Variants in ADAM22 observed in about 807,000 individuals in gnomAD.
The protein encoded by ADAM22 is disintegrin and metalloproteinase domain-containing protein 22.
In ADAM22, 65 loss-of-function variants were observed where a neutral mutation model predicts 144.6. That is an observed-to-expected ratio of 0.45 (90% CI 0.37 to 0.55). The LOEUF (loss-of-function observed/expected upper bound fraction) is 0.55. ADAM22 is among the 20% of genes least tolerant of loss of function. The pLI is 0.00. For missense variants in ADAM22, 974 were observed against 1,184.9 expected (o/e 0.82, Z 2.61); for synonymous variants, 391 against 412.6 (o/e 0.95, Z 0.63).
chr7:87,982,629 C>G (rs1280862090), intron 3 of ADAM22, among the ~76,000 whole-genome samples: 1 of 137,712 alleles, frequency 7.3e-6, no homozygotes, highest in Non-Finnish European at 1.5e-5. Context: ...ACTACTTCCC[C>G]TACTGGCTTA....
intron 3 of ADAM22, among the ~76,000 whole-genome samples, chr7:87,994,956 T>C (rs1324995957): frequency 2.0e-5 from 3 of 152,028 alleles, no homozygotes; most frequent in Non-Finnish European, 4.4e-5. Flanking sequence ...GCCTCCTAAG[T>C]AGCTGGGAAT....
chr7:88,026,122 A>C (rs193141530), intron 3 of ADAM22, among the ~76,000 whole-genome samples: 1 of 152,234 alleles, frequency 6.6e-6, no homozygotes, highest in East Asian at 1.9e-4. Context: ...TACTTTCTTG[A>C]TTCCTTTTTC....
chr7:88,063,094 G>A (rs1260587610), intron 3 of ADAM22, among the ~76,000 whole-genome samples: 1 of 152,156 alleles, frequency 6.6e-6, no homozygotes, highest in African/African-American at 2.4e-5. Flanking sequence ...GTTGGAAAAT[G>A]GCGCTGATAG....
At chr7:88,129,762 C>G (rs1329837698) in intron 9 of ADAM22, among the ~76,000 whole-genome samples, 2 of 152,012 alleles carry the variant, frequency 1.3e-5, no homozygotes, top group African/African-American at 4.8e-5. Flanking sequence ...CTAAGGGGAG[C>G]AACTGCCTCT....
chr7:87,978,413 G>A lies in ADAM22; in HGVS notation c.323+1G>A. ...TCATTCTCGATGTCGTGCTAAATCA[G>A]TAAGTGTTGAGTTGCACTTGCTTTT... On this transcript the variant is annotated splice_donor_variant, in intron 3 of 31. Coordinates refer to ENST00000413139, the MANE Select transcript of ADAM22 (RefSeq NM_001324418.2). LOFTEE classifies it high-confidence loss of function. 1 of 1,613,264 alleles carries A rather than the reference G, an allele frequency of 6.2e-7. No homozygotes were observed. The highest frequency in any genetic ancestry group is 8.5e-7 in the Non-Finnish European group (1 of 1,179,602).
chr7:88,173,948 A>G (rs1844981565), intron 26 of ADAM22, among the ~76,000 whole-genome samples: 1 of 152,112 alleles, frequency 6.6e-6, no homozygotes, highest in Non-Finnish European at 1.5e-5. Flanking sequence ...CATTGACATG[A>G]GTGAGGCTCA....
intron 30 of ADAM22, among the ~76,000 whole-genome samples, chr7:88,188,895 T>G (rs1848949574): frequency 6.6e-6 from 1 of 152,224 alleles, no homozygotes; most frequent in Non-Finnish European, 1.5e-5. Flanking sequence ...GATCTCACCA[T>G]GTTGCTCAAG....
At chr7:87,966,308 A>T (rs917771264) in intron 2 of ADAM22, among the ~76,000 whole-genome samples, 4 of 152,238 alleles carry the variant, frequency 2.6e-5, no homozygotes, top group African/African-American at 9.6e-5. Context: ...TTATAGCTCG[A>T]TACAACTATA....
chr7:87,964,616 CATT>C (rs1242851293), intron 2 of ADAM22: 2 of 423,564 alleles, frequency 4.7e-6, no homozygotes, highest in East Asian at 1.5e-4. Flanking sequence ...AAATTGTACT[CATT>C]TAATTTTTTT....
chr7:88,051,080 A>C (rs1464628215), intron 3 of ADAM22, among the ~76,000 whole-genome samples: 3 of 152,206 alleles, frequency 2.0e-5, no homozygotes, highest in Non-Finnish European at 4.4e-5. Flanking sequence ...GTGGAGAAAT[A>C]GGAACACTTT....
At chr7:88,136,592 T>C (rs73395791) in intron 14 of ADAM22, among the ~76,000 whole-genome samples, 3,166 of 152,236 alleles carry the variant, frequency 0.021, 129 homozygotes, top group African/African-American at 0.072. Flanking sequence ...TTGTCTTTTA[T>C]TCTTGTAAAT....
At chr7:87,989,919 C>T (rs1398316951) in intron 3 of ADAM22, among the ~76,000 whole-genome samples, 1 of 147,834 alleles carries the variant, frequency 6.8e-6, no homozygotes, top group Non-Finnish European at 1.5e-5. Context: ...GACTCCATCT[C>T]AAAGAAAAAA....
chr7:87,935,232 A>T, intron 2 of ADAM22, 46 bp downstream of exon 2: 1 of 1,505,852 alleles, frequency 6.6e-7, no homozygotes, highest in Non-Finnish European at 8.9e-7. Context: ...CTCCCGGCCC[A>T]CCCGAGACCC....
At chr7:88,121,600 T>C (rs1481725072) in intron 7 of ADAM22, among the ~76,000 whole-genome samples, 1 of 152,116 alleles carries the variant, frequency 6.6e-6, no homozygotes, top group African/African-American at 2.4e-5. Flanking sequence ...GCTTCTGAGC[T>C]CACTCACATA....
Position 88,198,140 on chromosome 7 carries a change from A to C in ADAM22, c.*1649A>C, listed in dbSNP as rs1052920554. On this transcript the variant is annotated 3_prime_UTR_variant, in exon 32 of 32. Coordinates refer to ENST00000413139, the MANE Select transcript of ADAM22 (RefSeq NM_001324418.2). The stretch of plus-strand genomic sequence containing the variant: ...GAATGGAATCTGCAGACAGGTTTTC[A>C]GATATACTCTCTTAAATTTGATCCT... 6.6e-6 allele frequency: 1 copy of C among 152,156 alleles called. No homozygotes were observed. The highest frequency in any genetic ancestry group is 6.5e-5 in the Admixed American group (1 of 15,278). The allele number at this position is 152,156 out of a possible 1,614,324, so 9.4% of individuals were successfully genotyped here.
intron 17 of ADAM22, among the ~76,000 whole-genome samples, chr7:88,148,335 C>G (rs1238679049): frequency 6.6e-6 from 1 of 152,088 alleles, no homozygotes; most frequent in South Asian, 2.1e-4. Flanking sequence ...AGTACTCCTG[C>G]AATTCACATT....
chr7:88,132,146 T>TG (rs1210949166), intron 11 of ADAM22: 1 of 151,506 alleles, frequency 6.6e-6, no homozygotes, highest in African/African-American at 2.4e-5. Context: ...GTTTTTTTTT[T>TG]GTTTTTTTTT....
intron 2 of ADAM22, among the ~76,000 whole-genome samples, chr7:87,954,753 C>T (rs1247768394): frequency 6.6e-6 from 1 of 152,196 alleles, no homozygotes; most frequent in East Asian, 1.9e-4. Context: ...AACTTGGTTC[C>T]ATTCTCCCCA....
rs750486124 is a variant in ADAM22, at chr7:88,168,120, CT to C, written c.2192-9del. On this transcript the variant is annotated splice_polypyrimidine_tract_variant and intron_variant, in intron 24 of 31. Transcript: ENST00000413139. The stretch of plus-strand genomic sequence containing the variant: ...TTTATACCACTGATCTTCCTTCTTT[CT>C]TTTTTTTCCTCTCAGGTGTTGCTGG... The C allele has an allele frequency of 1.2e-5, 19 of 1,606,726 alleles. No homozygotes were observed. The highest frequency in any genetic ancestry group is 2.2e-5 in the South Asian group (2 of 90,448).
Sources: gnomAD v4.1 joint callset for allele counts (sites outside exome capture counted in the v4.1 genomes callset) on GRCh38, gnomAD v4.1.1 for gene constraint, MANE v1.5 for transcripts, NCBI Gene and HGNC (gene_info 2026-07-23, HGNC 2026-07-21) for gene names.